The following POLR3E variants were observed in gnomAD, a reference collection of about 807,000 sequenced individuals.
The protein encoded by POLR3E is RNA polymerase III subunit E.
In POLR3E, 41 loss-of-function variants were observed where a neutral mutation model predicts 96.6. The ratio of observed to expected loss-of-function variants is 0.42; its 90% confidence interval spans 0.33 to 0.55. The LOEUF (loss-of-function observed/expected upper bound fraction) is 0.55, where lower values mean the gene tolerates loss of function less well. Among genes scored for constraint, POLR3E ranks in the 20% least tolerant of loss-of-function variants. POLR3E has a pLI of 0.06. For synonymous variants in POLR3E, 396 were observed against 383.6 expected (o/e 1.03, Z -0.38); for missense variants, 849 against 952.1 (o/e 0.89, Z 1.43).
In POLR3E at chr16:22,308,238, C is replaced by G; in HGVS notation, c.165+13C>G. 6.2e-7 allele frequency: 1 copy of G among 1,605,850 alleles called. No individual in the cohort carries two copies. Among genetic ancestry groups the G allele is most frequent in the Admixed American group, 1.7e-5 (1 of 59,982 alleles). ...CAAGCAGCAGAAGGTGGGGCTGCCC[C>G]CTGAGGGCAGTTGGGGCCGAAAGAG... On this transcript the variant is annotated intron_variant, in intron 4 of 20. Transcript: ENST00000299853.
chr16:22,308,473 A>G, intron 4 of POLR3E: 1 of 535,642 alleles, frequency 1.9e-6, no homozygotes, highest in East Asian at 3.2e-5. Context: ...TCCCAGGATA[A>G]GACGAGGGCG....
At chr16:22,309,814 A>G in intron 6 of POLR3E, 2 of 448,108 alleles carry the variant, frequency 4.5e-6, no homozygotes, top group East Asian at 8.0e-5. Context: ...TTTTGTCTTT[A>G]AATATGAAGC....
At chr16:22,321,578 G>A (rs770551886) in intron 13 of POLR3E, among the ~76,000 whole-genome samples, 6 of 152,236 alleles carry the variant, frequency 3.9e-5, no homozygotes. Context: ...GCCAAGAGGG[G>A]TCCTCCCGTC....
chr16:22,305,163 T>G lies in POLR3E; in HGVS notation c.44T>G (p.Val15Gly). The change falls in exon 3 of 21, where the codon GTG becomes GGG. Residue 15 changes from valine (V) to glycine (G), a missense_variant. Coordinates refer to ENST00000299853, the MANE Select transcript of POLR3E (RefSeq NM_018119.4). ...EDDPVVQEIDVYLAKSLAEKL... is the reference protein window; with the variant it reads ...EDDPVVQEIDGYLAKSLAEKL... Reference sequence around the variant, plus strand: ...GTCTTCCCTTCTTCCCAGATCGATGTGTACTTGGCCAAGAGTCTGGCGGAA... The same window carrying G: ...GTCTTCCCTTCTTCCCAGATCGATGGGTACTTGGCCAAGAGTCTGGCGGAA... 1 of 1,613,058 alleles carries G rather than the reference T, an allele frequency of 6.2e-7. No individual in the cohort carries two copies. Among genetic ancestry groups the G allele is most frequent in the Non-Finnish European group, 8.5e-7 (1 of 1,179,070 alleles).
In POLR3E at chr16:22,324,654, A is replaced by C. The variant is rs2048540880; in HGVS notation, c.1280A>C (p.Gln427Pro). ...CAGCACATGCTGTGGACGGGTATCCAGGCCAAGTAAGCACCCTGGGCCAGG... is the reference window on the plus strand; with the variant it reads ...CAGCACATGCTGTGGACGGGTATCCCGGCCAAGTAAGCACCCTGGGCCAGG... ...QRQHMLWTGI[Q>P]AKLEKVYNLV... The change falls in exon 16 of 21, where the codon CAG (glutamine) becomes CCG (proline). Residue 427 changes from glutamine (Q) to proline (P), a missense_variant. By Grantham distance (76) the Gln-to-Pro change is moderately conservative. Coordinates refer to ENST00000299853, the MANE Select transcript of POLR3E (RefSeq NM_018119.4). 6.2e-7 allele frequency: 1 copy of C among 1,613,742 alleles called. No homozygotes were observed. Among genetic ancestry groups the C allele is most frequent in the Admixed American group, 1.7e-5 (1 of 59,988 alleles).
Position 22,322,986 on chromosome 16 carries a change from G to A in POLR3E, c.1068+55G>A. On this transcript the variant is annotated intron_variant, in intron 14 of 20. Transcript: ENST00000299853. The surrounding 1 kb of genome is among the most constrained non-coding windows in gnomAD (Gnocchi z 5.2). ...GTGGGGGCGTGGGAAGAGGGGGGCA[G>A]CGGTGCAGGGCTTCTGAAGACCGGG... 1.6e-6 allele frequency: 2 copies of A among 1,230,108 alleles called. No homozygotes were observed. The highest frequency in any genetic ancestry group is 1.3e-5 in the South Asian group (1 of 79,814). 76.2% of individuals were successfully genotyped at this position (1,230,108 alleles called of 1,614,324 possible). A position where few individuals can be genotyped will look rare whatever the true frequency, so the allele number is the denominator to read the frequency against.
chr16:22,299,603 G>A (rs1242661825), intron 1 of POLR3E, among the ~76,000 whole-genome samples: 1 of 151,510 alleles, frequency 6.6e-6, no homozygotes. Flanking sequence ...AAGTAGAGAC[G>A]GGGTTTCACC....
At chr16:22,306,176 T>C (rs1441479654) in intron 3 of POLR3E, among the ~76,000 whole-genome samples, 2 of 152,220 alleles carry the variant, frequency 1.3e-5, no homozygotes, top group African/African-American at 4.8e-5. Context: ...CCTGCTGTGA[T>C]TGGCTGCTCT....
intron 1 of POLR3E, chr16:22,298,823 A>C (rs1435599648): frequency 1.9e-5 from 7 of 363,862 alleles, no homozygotes; most frequent in South Asian, 6.2e-5. Context: ...TCTTTGTACT[A>C]TATTGAGTGT....
At position 22,325,255 on chromosome 16, in the gene POLR3E, A is replaced by T. The variant is rs1314404520; in HGVS notation, c.1337A>T (p.Asp446Val). 1 of 1,613,576 alleles carries T rather than the reference A, an allele frequency of 6.2e-7. No homozygotes were observed. Among genetic ancestry groups the T allele is most frequent in the South Asian group, 1.1e-5 (1 of 91,072 alleles). ...AAGGAAACCATGCCAAAGAAGCCGGATGCACAATCAGGTGTGTGAGGGGCT... is the reference window on the plus strand; with the variant it reads ...AAGGAAACCATGCCAAAGAAGCCGGTTGCACAATCAGGTGTGTGAGGGGCT... ...LVKETMPKKP[D>V]AQSGPAGLVC... is the part of the protein sequence containing the mutation. Residue 446 changes from aspartate to valine, a missense_variant, in exon 17 of 21, where the codon GAT becomes GTT. Asp to Val is a radical substitution (Grantham distance 152, BLOSUM62 -3). Coordinates refer to ENST00000299853, the MANE Select transcript of POLR3E (RefSeq NM_018119.4).
At chr16:22,304,876 C>T (rs920574474) in intron 2 of POLR3E, among the ~76,000 whole-genome samples, 2 of 152,138 alleles carry the variant, frequency 1.3e-5, no homozygotes. Context: ...AGTGCAGCCC[C>T]AGGGAAGATG....
Position 22,313,735 on chromosome 16 carries a change from C to T in POLR3E, c.472+8C>T, listed in dbSNP as rs368778166. ...GGGAGGCGGCCAACGAGGGTGAGCCCGGGATCCCCAGCCCTGCTGCCTGCC... is the reference window on the plus strand; with the variant it reads ...GGGAGGCGGCCAACGAGGGTGAGCCTGGGATCCCCAGCCCTGCTGCCTGCC... On this transcript the variant is annotated splice_region_variant and intron_variant, in intron 7 of 20. Coordinates refer to ENST00000299853, the MANE Select transcript of POLR3E (RefSeq NM_018119.4). This position sits in a 1 kb window ranked among gnomAD's most constrained non-coding sequence, Gnocchi z 4.1. 7.6e-6 allele frequency: 12 copies of T among 1,588,384 alleles called. No individual in the cohort carries two copies. The highest frequency in any genetic ancestry group is 6.7e-5 in the African/African-American group (5 of 74,592).
At chr16:22,301,619 A>G (rs2048023512) in intron 1 of POLR3E, among the ~76,000 whole-genome samples, 1 of 150,644 alleles carries the variant, frequency 6.6e-6, no homozygotes, top group African/African-American at 2.4e-5. Context: ...TGTTAAGTAG[A>G]TCAGACAAAA....
chr16:22,312,893 A>AAAAAAAAC (rs1567315468), intron 6 of POLR3E, among the ~76,000 whole-genome samples: 1 of 151,814 alleles, frequency 6.6e-6, no homozygotes, highest in African/African-American at 2.4e-5. Context: ...AAAAAAAAAA[A>AAAAAAAAC]AAAACAGTAA....
chr16:22,333,564 C>T (rs1021157094), intron 20 of POLR3E, 80 bp from the exon 21 acceptor site: 37 of 948,442 alleles, frequency 3.9e-5, no homozygotes, highest in Admixed American at 5.2e-5. Flanking sequence ...AATCATAAAT[C>T]GAGTGTTGAC....
In POLR3E at chr16:22,313,687, G is replaced by A. The variant is rs1391492971; in HGVS notation, c.432G>A (p.Lys144=). 6.2e-7 allele frequency: 1 copy of A among 1,613,738 alleles called. No homozygotes were observed. The highest frequency in any genetic ancestry group is 8.5e-7 in the Non-Finnish European group (1 of 1,179,952). The part of the protein sequence containing the change: ...QLRPSFSYLD[K]ADAKHREREA... ...GGCCCAGCTTCTCCTACCTGGATAA[G>A]GCTGACGCCAAGCACCGGGAGAGGG... Residue 144 remains lysine, a synonymous_variant, in exon 7 of 21, where the codon AAG becomes AAA. Coordinates refer to ENST00000299853, the MANE Select transcript of POLR3E (RefSeq NM_018119.4). The surrounding 1 kb of genome is among the most constrained non-coding windows in gnomAD (Gnocchi z 4.1).
rs372790932 is a variant in POLR3E, at chr16:22,301,053, G to A, written c.-38-1878G>A. 2.8e-4 allele frequency among the ~76,000 whole-genome samples: 42 copies of A among 151,964 alleles called. No homozygotes were observed. The South Asian group carries it at 7.5e-3, about 27-fold the overall frequency. On this transcript the variant is annotated intron_variant, in intron 1 of 20. Transcript: ENST00000299853. ...AGAGCAGAGAAGGGAATTGAGGGGT[G>A]GGGGAGGCAGTTTGCAATGTGATTT...
chr16:22,317,683 T>C (rs758173401), intron 12 of POLR3E, among the ~76,000 whole-genome samples: 8 of 151,874 alleles, frequency 5.3e-5, no homozygotes, highest in Non-Finnish European at 1.0e-4. Flanking sequence ...TTTTAAGGTT[T>C]TTTTAAAGGT....
intron 17 of POLR3E, 21 bp from the exon 18 acceptor site, chr16:22,325,740 G>C (rs1312237654): frequency 2.6e-6 from 4 of 1,539,924 alleles, no homozygotes; most frequent in Non-Finnish European, 3.5e-6. Context: ...CTCCTGAGCA[G>C]TGCTGCCTCC....
Sources: allele counts gnomAD v4.1 joint callset (sites outside exome capture counted in the v4.1 genomes callset), GRCh38; gene constraint gnomAD v4.1.1; non-coding constraint Gnocchi (gnomAD v3.1); transcripts MANE v1.5; gene names NCBI Gene and HGNC (gene_info 2026-07-23, HGNC 2026-07-21).